Variants in IL1RL2 observed in about 807,000 individuals in gnomAD.
The protein encoded by IL1RL2 is interleukin-1 receptor-like 2.
A neutral mutation model predicts 66.8 loss-of-function variants in IL1RL2; 68 were observed. The observed-to-expected ratio is 1.02, with a 90% confidence interval of 0.84 to 1.25. The LOEUF is 1.25. Ranked by LOEUF, IL1RL2 falls within the 50% of genes most tolerant of loss-of-function variation. IL1RL2 has a pLI of 0.00. For synonymous variants in IL1RL2, 305 were observed against 264.6 expected, an observed-to-expected ratio of 1.15 and a Z score of -1.48; for missense variants, 729 against 709.3, an observed-to-expected ratio of 1.03 and a Z score of -0.32.
rs571511684 is a variant in IL1RL2, at chr2:102,205,185, G to A, written c.649+3470G>A. 1.4e-3 allele frequency among the ~76,000 whole-genome samples: 215 copies of A among 151,994 alleles called. 1 individual carries two copies. The highest frequency in any genetic ancestry group is 4.8e-3 in the African/African-American group (201 of 41,478). ...TTATTCCCCTGCTTTTTAACTTTTT[G>A]TTGCTTCTATTTATATCTTGTACTC... On this transcript the variant is annotated intron_variant, in intron 5 of 11. Coordinates refer to ENST00000264257, the MANE Select transcript of IL1RL2 (RefSeq NM_003854.4).
chr2:102,189,631 T>A (rs1054141567), intron 3 of IL1RL2, among the ~76,000 whole-genome samples: 2 of 151,978 alleles, frequency 1.3e-5, no homozygotes, highest in African/African-American at 4.8e-5. Flanking sequence ...TCTTTTTTAT[T>A]TTTTGAGATG....
Position 102,219,987 on chromosome 2 carries a change from T to C in IL1RL2, c.961T>C (p.Ser321Pro), listed in dbSNP as rs1233141886. The C allele has an allele frequency of 6.2e-7, 1 of 1,613,674 alleles. No individual in the cohort carries two copies. The highest frequency in any genetic ancestry group is 1.7e-5 in the Admixed American group (1 of 59,988). The change falls in exon 8 of 12, where the codon TCC (serine) becomes CCC (proline). Residue 321 changes from serine to proline, a missense_variant. Physicochemically the swap from Ser to Pro is moderately conservative, Grantham distance 74. Coordinates refer to ENST00000264257, the MANE Select transcript of IL1RL2 (RefSeq NM_003854.4). The part of the protein sequence containing the change: ...GLPFMCHAGV[S>P]TAYIILQLPA... ...TCCTTTCATGTGCCACGCTGGAGTG[T>C]CCACAGCATACATTATATTACAGCT...
At chr2:102,203,542 C>T (rs577329955) in intron 5 of IL1RL2, among the ~76,000 whole-genome samples, 1 of 151,886 alleles carries the variant, frequency 6.6e-6, no homozygotes, top group East Asian at 1.9e-4. Flanking sequence ...AATAAAGAGA[C>T]TTCTTTCTCT....
chr2:102,238,101 C>T (rs1047933430), intron 11 of IL1RL2, among the ~76,000 whole-genome samples: 1 of 152,102 alleles, frequency 6.6e-6, no homozygotes, highest in Non-Finnish European at 1.5e-5. Flanking sequence ...TTTCCAAGAC[C>T]CTGGCTTGAG....
chr2:102,229,550 G>A (rs549190862), intron 9 of IL1RL2, among the ~76,000 whole-genome samples: 5 of 152,188 alleles, frequency 3.3e-5, no homozygotes, highest in African/African-American at 9.6e-5. Context: ...TGTCCCACAC[G>A]GTTGATCATG....
rs774933483 is a variant in IL1RL2 at position 102,233,003 on chromosome 2, C to A, written c.1176C>A (p.Pro392=). ...ACGCCTATGTCTTATACCCCAAGCC[C>A]CACAAGGAAAGCCAGAGGCATGCCG... ...LYDAYVLYPK[P]HKESQRHAVD... Residue 392 remains proline, a synonymous_variant, in exon 10 of 12, where the codon CCC becomes CCA. Transcript: ENST00000264257. 1.2e-6 allele frequency: 2 copies of A among 1,614,172 alleles called. No homozygotes were observed. Among genetic ancestry groups the A allele is most frequent in the Non-Finnish European group, 1.7e-6 (2 of 1,180,028 alleles).
intron 6 of IL1RL2, among the ~76,000 whole-genome samples, chr2:102,212,942 G>A (rs1689302836): frequency 6.6e-6 from 1 of 152,012 alleles, no homozygotes; most frequent in Admixed American, 6.5e-5. Flanking sequence ...GCACTCCAGC[G>A]GCGACAGAGC....
intron 4 of IL1RL2, among the ~76,000 whole-genome samples, chr2:102,195,129 C>G (rs899115478): frequency 1.3e-5 from 2 of 152,134 alleles, no homozygotes; most frequent in Non-Finnish European, 2.9e-5. Context: ...TTGTCTATTT[C>G]TCATTGATTT....
chr2:102,220,061 G>C lies in IL1RL2; in HGVS notation c.991+44G>C, dbSNP rs2302622. ...ACACACTGTTCAGAGTGTTCAAAAC[G>C]ATGGCCAGGAAACACATCTGAAGGA... On this transcript the variant is annotated intron_variant, in intron 8 of 11. Coordinates refer to ENST00000264257, the MANE Select transcript of IL1RL2 (RefSeq NM_003854.4). 4,706 of 1,516,506 alleles carry C rather than the reference G, an allele frequency of 3.1e-3. 174 individuals carry two copies. The East Asian group carries it at 0.089, about 29-fold the overall frequency. The allele number at this position is 1,516,506 out of a possible 1,614,324, so 93.9% of individuals were successfully genotyped here. A position where few individuals can be genotyped will look rare whatever the true frequency, so the allele number is the denominator to read the frequency against.
intron 9 of IL1RL2, among the ~76,000 whole-genome samples, chr2:102,228,885 C>T (rs1315460461): frequency 2.0e-5 from 3 of 151,962 alleles, no homozygotes; most frequent in Non-Finnish European, 2.9e-5. Flanking sequence ...ATTTTTTTTC[C>T]CCCACAGGGA....
chr2:102,226,128 T>A, intron 9 of IL1RL2, 87 bp downstream of exon 9: 2 of 1,170,454 alleles, frequency 1.7e-6, no homozygotes, highest in South Asian at 4.6e-5. Context: ...TTGTCATATT[T>A]TACTACGTTG....
intron 9 of IL1RL2, among the ~76,000 whole-genome samples, chr2:102,229,549 C>T (rs867377659): frequency 8.5e-5 from 13 of 152,176 alleles, no homozygotes; most frequent in Admixed American, 1.3e-4. Flanking sequence ...ATGTCCCACA[C>T]GGTTGATCAT....
intron 8 of IL1RL2, among the ~76,000 whole-genome samples, chr2:102,225,669 A>C (rs1179769157): frequency 6.6e-6 from 1 of 152,114 alleles, no homozygotes; most frequent in Non-Finnish European, 1.5e-5. Context: ...TACTCGTATA[A>C]GTTCCCAGGA....
chr2:102,239,941 G>T lies in IL1RL2; in HGVS notation c.*700G>T. ...TTTTTCCACAATGAACAATTAAACT[G>T]TAAATGTTAAAAATATCAGTAATTT... On this transcript the variant is annotated 3_prime_UTR_variant, in exon 12 of 12. Transcript: ENST00000264257. 1.3e-5 allele frequency: 2 copies of T among 152,246 alleles called. 1 individual carries two copies. The highest frequency in any genetic ancestry group is 3.8e-4 in the East Asian group (2 of 5,204). 9.4% of individuals were successfully genotyped at this position (152,246 alleles called of 1,614,324 possible). A position where few individuals can be genotyped will look rare whatever the true frequency, so the allele number is the denominator to read the frequency against.
At chr2:102,213,487 A>G (rs1215669680) in intron 6 of IL1RL2, among the ~76,000 whole-genome samples, 1 of 152,166 alleles carries the variant, frequency 6.6e-6, no homozygotes, top group Non-Finnish European at 1.5e-5. Flanking sequence ...CATCGTACCC[A>G]TAAATATATG....
Position 102,189,355 on chromosome 2 carries a change from T to C in IL1RL2, c.293+45T>C, listed in dbSNP as rs773486500. On this transcript the variant is annotated intron_variant, in intron 3 of 11. Transcript: ENST00000264257. ...TAGAACTAACTCGTGTGTGTATGTA[T>C]AAATTATTTTAGGAAAATTCTTAAC... 8 of 1,164,848 alleles carry C rather than the reference T, an allele frequency of 6.9e-6. No homozygotes were observed. In the Admixed American group the frequency reaches 1.5e-4, roughly 22 times the overall value. 72.2% of individuals were successfully genotyped at this position (1,164,848 alleles called of 1,614,324 possible). A position where few individuals can be genotyped will look rare whatever the true frequency, so the allele number is the denominator to read the frequency against.
At chr2:102,207,778 G>A (rs1578134989) in intron 5 of IL1RL2, among the ~76,000 whole-genome samples, 1 of 152,178 alleles carries the variant, frequency 6.6e-6, no homozygotes, top group East Asian at 1.9e-4. Flanking sequence ...TCCCACTCCA[G>A]TCCACCGTCT....
intron 6 of IL1RL2, among the ~76,000 whole-genome samples, chr2:102,216,966 C>G (rs1689666646): frequency 1.3e-5 from 2 of 152,114 alleles, no homozygotes; most frequent in South Asian, 4.1e-4. Context: ...ACCATTTTGA[C>G]CTTTAAACTT....
At position 102,225,929 on chromosome 2, in the gene IL1RL2, G is replaced by A; in HGVS notation, c.1023G>A (p.Gly341=). The change falls in exon 9 of 12, where the codon GGG becomes GGA. Residue 341 remains glycine, a synonymous_variant. Coordinates refer to ENST00000264257, the MANE Select transcript of IL1RL2 (RefSeq NM_003854.4). ...APDFRAYLIG[G]LIALVAVAVS... ...ATTTTCGAGCTTACTTGATAGGAGGGCTTATCGCCTTGGTGGCTGTGGCTG... is the reference window on the plus strand; with the variant it reads ...ATTTTCGAGCTTACTTGATAGGAGGACTTATCGCCTTGGTGGCTGTGGCTG... The A allele has an allele frequency of 6.2e-7, 1 of 1,603,206 alleles. No individual in the cohort carries two copies. The highest frequency in any genetic ancestry group is 1.3e-5 in the African/African-American group (1 of 74,592).
Sources: allele counts gnomAD v4.1 joint callset (sites outside exome capture counted in the v4.1 genomes callset), GRCh38; gene constraint gnomAD v4.1.1; transcripts MANE v1.5; gene names NCBI Gene and HGNC (gene_info 2026-07-23, HGNC 2026-07-21).